The following MYO16 variants were observed in gnomAD, a reference collection of about 807,000 sequenced individuals.
MYO16 encodes unconventional myosin-XVI.
A neutral mutation model predicts 205.3 loss-of-function variants in MYO16; 94 were observed. That is an observed-to-expected ratio of 0.46 (90% CI 0.39 to 0.54). The LOEUF (loss-of-function observed/expected upper bound fraction) is 0.54, where lower values mean the gene tolerates loss of function less well. Among genes scored for constraint, MYO16 ranks in the 20% least tolerant of loss-of-function variants. The probability of loss-of-function intolerance (pLI) is 0.00; values close to 1 mark genes in which losing one functional copy is unlikely to be tolerated. For synonymous variants in MYO16, 988 were observed against 954.0 expected (o/e 1.04, Z -0.66); for missense variants, 2,315 against 2,387.5 (o/e 0.97, Z 0.63).
the MYO16 span, among the ~76,000 whole-genome samples, chr13:108,584,487 T>C: frequency 2.0e-5 from 3 of 151,754 alleles, no homozygotes; most frequent in African/African-American, 4.8e-5. Context: ...AACTTCCAAA[T>C]CTTTCTTATA....
chr13:109,122,887 T>G (rs1344994342), intron 29 of MYO16, among the ~76,000 whole-genome samples: 1 of 152,190 alleles, frequency 6.6e-6, no homozygotes, highest in Non-Finnish European at 1.5e-5. Context: ...TACTCAAAAT[T>G]TATATAATCT....
chr13:108,635,247 C>G (rs1246490091), intron 1 of MYO16, among the ~76,000 whole-genome samples: 2 of 152,144 alleles, frequency 1.3e-5, no homozygotes, highest in Non-Finnish European at 2.9e-5. Flanking sequence ...TGCACCTCAG[C>G]CAACCCGGAA....
upstream of MYO16, among the ~76,000 whole-genome samples, chr13:108,628,045 G>T (rs1204848947): frequency 1.3e-5 from 2 of 152,172 alleles, no homozygotes; most frequent in Non-Finnish European, 2.9e-5. Context: ...GATTTAAAGA[G>T]GAGAGAGCTT....
intron 13 of MYO16, chr13:108,886,398 T>C (rs1879887785): frequency 2.2e-6 from 1 of 456,012 alleles, no homozygotes; most frequent in Non-Finnish European, 4.4e-6. Flanking sequence ...TTTTGCTCCT[T>C]AGCTCGGCTA....
chr13:108,889,864 A>G (rs640587), intron 14 of MYO16, among the ~76,000 whole-genome samples: 112,860 of 152,126 alleles, frequency 0.74, 42,243 homozygotes, highest in East Asian at 1. Flanking sequence ...TGGACATGCC[A>G]CAGTGTACTG....
intron 28 of MYO16, among the ~76,000 whole-genome samples, chr13:109,116,209 A>G (rs919754099): frequency 6.6e-6 from 1 of 152,154 alleles, no homozygotes; most frequent in Non-Finnish European, 1.5e-5. Context: ...GTGTTTAGCC[A>G]TGTCTTGATA....
At chr13:109,017,259 A>T (rs1021282144) in intron 22 of MYO16, among the ~76,000 whole-genome samples, 18 of 152,194 alleles carry the variant, frequency 1.2e-4, no homozygotes, top group African/African-American at 4.3e-4. Flanking sequence ...TCTGGGTTGA[A>T]AATTCTTTTC....
chr13:108,653,972 G>C (rs916144944), intron 1 of MYO16, among the ~76,000 whole-genome samples: 5 of 152,138 alleles, frequency 3.3e-5, no homozygotes, highest in Admixed American at 1.3e-4. Context: ...CTTTGGCAGA[G>C]TCTATTATCA....
chr13:108,628,858 G>A (rs1269016582), upstream of MYO16, among the ~76,000 whole-genome samples: 1 of 152,044 alleles, frequency 6.6e-6, no homozygotes, highest in East Asian at 1.9e-4. Context: ...ACTTGTCTTT[G>A]GAGAAGATCA....
At chr13:108,625,517 TC>T (rs1879700917), upstream of MYO16, among the ~76,000 whole-genome samples, 2 of 152,192 alleles carry the variant, frequency 1.3e-5, no homozygotes, top group South Asian at 4.1e-4. Flanking sequence ...GGAGTTATGT[TC>T]CCAGGAGAGG....
intron 20 of MYO16, among the ~76,000 whole-genome samples, chr13:108,979,129 A>G (rs151140135): frequency 6.6e-6 from 1 of 152,124 alleles, no homozygotes; most frequent in East Asian, 1.9e-4. Context: ...ATTTTCATTT[A>G]GTCACTTTCA....
chr13:109,022,403 A>AGG, intron 23 of MYO16, among the ~76,000 whole-genome samples: 1 of 9,404 alleles, frequency 1.1e-4, no homozygotes, highest in Non-Finnish European at 9.4e-4. Context: ...ATATGTATAT[A>AGG]TGTATATATT....
the MYO16 span, among the ~76,000 whole-genome samples, chr13:108,497,684 T>C: frequency 2.6e-5 from 4 of 152,198 alleles, no homozygotes; most frequent in Non-Finnish European, 4.4e-5. Context: ...TTTGTATACA[T>C]TAAAATAGCT....
At chr13:108,767,719 GC>G (rs1212929591) in intron 4 of MYO16, among the ~76,000 whole-genome samples, 4 of 152,114 alleles carry the variant, frequency 2.6e-5, no homozygotes, top group Non-Finnish European at 5.9e-5. Context: ...ATTTCCTGGA[GC>G]CCTAGGCTGA....
intron 16 of MYO16, among the ~76,000 whole-genome samples, chr13:108,914,095 A>G (rs1881382780): frequency 6.6e-6 from 1 of 150,604 alleles, no homozygotes; most frequent in Admixed American, 6.6e-5. Context: ...TATATCTACT[A>G]TTGTTAATAA....
intron 21 of MYO16, among the ~76,000 whole-genome samples, chr13:109,002,385 A>G: frequency 6.6e-6 from 1 of 152,250 alleles, no homozygotes; most frequent in East Asian, 1.9e-4. Flanking sequence ...TTTGTCATTA[A>G]TACAAATGAT....
At chr13:108,645,710 A>C (rs1422966807) in intron 1 of MYO16, among the ~76,000 whole-genome samples, 3 of 151,982 alleles carry the variant, frequency 2.0e-5, no homozygotes, top group Non-Finnish European at 4.4e-5. Context: ...AGGGTGATAG[A>C]TCAGGAGGAG....
At chr13:108,817,226 G>A (rs924721186) in intron 7 of MYO16, among the ~76,000 whole-genome samples, 1 of 152,126 alleles carries the variant, frequency 6.6e-6, no homozygotes, top group Non-Finnish European at 1.5e-5. Context: ...TACATTGACT[G>A]AAATGACATA....
chr13:108,626,910 A>G (rs975776541), upstream of MYO16, among the ~76,000 whole-genome samples: 9 of 146,608 alleles, frequency 6.1e-5, no homozygotes, highest in African/African-American at 2.2e-4. Flanking sequence ...TATATTATAT[A>G]TATTATATAT....
Sources: gnomAD v4.1 joint callset for allele counts (sites outside exome capture counted in the v4.1 genomes callset) on GRCh38, gnomAD v4.1.1 for gene constraint, MANE v1.5 for transcripts, NCBI Gene and HGNC (gene_info 2026-07-23, HGNC 2026-07-21) for gene names.